Variants in SCN10A observed in about 807,000 individuals in gnomAD.
SCN10A encodes sodium channel protein type 10 subunit alpha.
SCN10A carries 162 observed loss-of-function variants against 170.7 expected under a neutral mutation model. That is an observed-to-expected ratio of 0.95 (90% CI 0.84 to 1.08). The LOEUF is 1.08. Among genes scored for constraint, SCN10A ranks in the 50% least tolerant of loss-of-function variants. The pLI is 0.00. For missense variants in SCN10A, 2,527 were observed against 2,436.9 expected (o/e 1.04, Z -0.78); for synonymous variants, 985 against 904.6 (o/e 1.09, Z -1.59).
At position 38,728,621 on chromosome 3, in the gene SCN10A, A is replaced by C; in HGVS notation, c.2561T>G (p.Met854Arg). 2 of 1,613,664 alleles carry C rather than the reference A, an allele frequency of 1.2e-6. No homozygotes were observed. Among genetic ancestry groups the C allele is most frequent in the South Asian group, 1.1e-5 (1 of 91,072 alleles). Residue 854 changes from methionine to arginine, a missense_variant, in exon 16 of 28, where the codon ATG becomes AGG. Coordinates refer to ENST00000449082, the MANE Select transcript of SCN10A (RefSeq NM_006514.4). ...RILCGEWIEN[M>R]WACMEVGQKS... is the part of the protein sequence containing the mutation. ...TTGGCCAACTTCCATGCAGGCCCAC[A>C]TGTTCTCAATCCACTCTCCACAGAG... is the stretch of plus-strand genomic sequence containing the variant.
At chr3:38,802,887 T>C (rs915496304) in intron 1 of SCN10A, among the ~76,000 whole-genome samples, 2 of 152,138 alleles carry the variant, frequency 1.3e-5, no homozygotes, top group African/African-American at 4.8e-5. Flanking sequence ...AGAAAATTTT[T>C]GCAATCTACT....
At chr3:38,800,113 T>C (rs1400760910) in intron 1 of SCN10A, among the ~76,000 whole-genome samples, 1 of 152,164 alleles carries the variant, frequency 6.6e-6, no homozygotes, top group Non-Finnish European at 1.5e-5. Flanking sequence ...GCAGTATCTA[T>C]GTGGATTTTT....
At chr3:38,760,625 C>A in intron 8 of SCN10A, 56 bp downstream of exon 8, 1 of 1,343,248 alleles carries the variant, frequency 7.4e-7, no homozygotes, top group East Asian at 2.3e-5. Context: ...ATGCCAAGGA[C>A]AAGATGGAGA....
intron 4 of SCN10A, among the ~76,000 whole-genome samples, chr3:38,783,526 C>A (rs1176817150): frequency 6.6e-6 from 1 of 151,940 alleles, no homozygotes; most frequent in East Asian, 1.9e-4. Flanking sequence ...TATTGTTGTG[C>A]AGCACTAAAG....
At chr3:38,790,406 A>G (rs2064265816) in intron 3 of SCN10A, among the ~76,000 whole-genome samples, 1 of 151,904 alleles carries the variant, frequency 6.6e-6, no homozygotes, top group Non-Finnish European at 1.5e-5. Flanking sequence ...TCTACCAAGC[A>G]ATTATTTACT....
chr3:38,743,830 G>T (rs1391042310), intron 13 of SCN10A, among the ~76,000 whole-genome samples: 1 of 151,918 alleles, frequency 6.6e-6, no homozygotes, highest in African/African-American at 2.4e-5. Context: ...CCATCTCTAT[G>T]CCAATTCCCA....
chr3:38,784,304 C>T (rs1671346506), intron 4 of SCN10A, among the ~76,000 whole-genome samples: 1 of 152,078 alleles, frequency 6.6e-6, no homozygotes, highest in Non-Finnish European at 1.5e-5. Flanking sequence ...CGGCTTCATA[C>T]CTGGGATCAA....
intron 18 of SCN10A, among the ~76,000 whole-genome samples, chr3:38,723,768 G>A (rs547878540): frequency 6.6e-6 from 1 of 152,310 alleles, no homozygotes; most frequent in African/African-American, 2.4e-5. Flanking sequence ...CCGAGACACC[G>A]TAATTACACC....
In SCN10A at chr3:38,752,296, G is replaced by T. The variant is rs1553620443; in HGVS notation, c.1678C>A (p.Pro560Thr). The T allele has an allele frequency of 1.2e-6, 2 of 1,607,710 alleles. No individual in the cohort carries two copies. The highest frequency in any genetic ancestry group is 1.3e-5 in the African/African-American group (1 of 74,718). ...PRSPLPQPSNPDSRHGEDEHQ... is the reference protein window; with the variant it reads ...PRSPLPQPSNTDSRHGEDEHQ... Reference sequence around the variant, plus strand: ...TCATCTTCTCCATGCCTGGAGTCAGGGTTGCTGGGTTGAGGAAGAGGGCTT... The same window carrying T: ...TCATCTTCTCCATGCCTGGAGTCAGTGTTGCTGGGTTGAGGAAGAGGGCTT... The change falls in exon 12 of 28, where the codon CCT becomes ACT. Residue 560 changes from proline to threonine, a missense_variant. By Grantham distance (38) the Pro-to-Thr change is conservative. Coordinates refer to ENST00000449082, the MANE Select transcript of SCN10A (RefSeq NM_006514.4).
At position 38,732,568 on chromosome 3, in the gene SCN10A, C is replaced by T. The variant is rs142291710; in HGVS notation, c.2281-3667G>A. On this transcript the variant is annotated intron_variant, in intron 15 of 27. Coordinates refer to ENST00000449082, the MANE Select transcript of SCN10A (RefSeq NM_006514.4). ...ATTGCTTCATTGAAAAAAGGTATTGCCTTTTCAAAAGCATCAACTATGTGG... is the reference window on the plus strand; with the variant it reads ...ATTGCTTCATTGAAAAAAGGTATTGTCTTTTCAAAAGCATCAACTATGTGG... Among the ~76,000 whole-genome samples, 534 of 152,212 alleles carry T rather than the reference C, an allele frequency of 3.5e-3. 4 individuals carry two copies. The highest frequency in any genetic ancestry group is 0.012 in the African/African-American group (500 of 41,522).
At chr3:38,709,045 C>G (rs927448942) in intron 25 of SCN10A, among the ~76,000 whole-genome samples, 62 of 152,312 alleles carry the variant, frequency 4.1e-4, no homozygotes, top group East Asian at 1.5e-3. Flanking sequence ...GAGGCACAAG[C>G]CTTCCTCCCC....
At chr3:38,725,147 A>G (rs750518410) in intron 18 of SCN10A, 27 bp downstream of exon 18, 13 of 1,555,190 alleles carry the variant, frequency 8.4e-6, no homozygotes, top group Admixed American at 3.5e-5. Context: ...TGGCTGTCCA[A>G]CCTCTCCAGG....
chr3:38,742,582 C>A, intron 13 of SCN10A, 53 bp from the exon 14 acceptor site: 1 of 1,397,532 alleles, frequency 7.2e-7, no homozygotes, highest in South Asian at 1.2e-5. Context: ...ACCTTGGACC[C>A]CAATTCTGCG....
intron 26 of SCN10A, among the ~76,000 whole-genome samples, chr3:38,705,543 G>A (rs777611685): frequency 2.6e-5 from 4 of 152,130 alleles, no homozygotes; most frequent in Non-Finnish European, 5.9e-5. Flanking sequence ...TCAACATTAG[G>A]GTCATGCCTT....
intron 1 of SCN10A, among the ~76,000 whole-genome samples, chr3:38,796,955 A>G (rs1232973291): frequency 6.6e-6 from 1 of 152,150 alleles, no homozygotes; most frequent in African/African-American, 2.4e-5. Context: ...TACAGAATAG[A>G]TAGTTGTTGC....
chr3:38,738,482 T>A (rs2063594426), intron 15 of SCN10A, among the ~76,000 whole-genome samples: 1 of 152,140 alleles, frequency 6.6e-6, no homozygotes, highest in Non-Finnish European at 1.5e-5. Flanking sequence ...CCCAAGCAGA[T>A]CTGTCCTAGA....
chr3:38,739,602 G>T lies in SCN10A; in HGVS notation c.2193C>A (p.Ile731=), dbSNP rs572545263. Residue 731 remains isoleucine (I), a synonymous_variant, in exon 15 of 28, where the codon ATC becomes ATA. Coordinates refer to ENST00000449082, the MANE Select transcript of SCN10A (RefSeq NM_006514.4). ...TCACAGTGACGATGATGCAGTCAAA[G>T]ATATTCCACTTCTTCTGGAAATAAT... ...PYYYFQKKWN[I]FDCIIVTVSL... is the part of the protein sequence containing the mutation. 3 of 1,614,084 alleles carry T rather than the reference G, an allele frequency of 1.9e-6. No individual in the cohort carries two copies. Among genetic ancestry groups the T allele is most frequent in the Admixed American group, 1.7e-5 (1 of 60,020 alleles).
intron 15 of SCN10A, among the ~76,000 whole-genome samples, chr3:38,734,053 G>A (rs373484435): frequency 6.9e-6 from 1 of 145,170 alleles, no homozygotes; most frequent in African/African-American, 2.6e-5. Flanking sequence ...ACGGAGTCTC[G>A]CTCTGTTGCC....
At chr3:38,775,954 T>G (rs549699376) in intron 4 of SCN10A, among the ~76,000 whole-genome samples, 11 of 152,112 alleles carry the variant, frequency 7.2e-5, no homozygotes, top group South Asian at 4.1e-4. Context: ...ACCTTTAACA[T>G]AAAATTTTCA....
Sources: gnomAD v4.1 joint callset for allele counts (sites outside exome capture counted in the v4.1 genomes callset) on GRCh38, gnomAD v4.1.1 for gene constraint, MANE v1.5 for transcripts, NCBI Gene and HGNC (gene_info 2026-07-23, HGNC 2026-07-21) for gene names.